PYHIN1: variants seen among roughly 807,000 people sequenced by gnomAD.
The protein encoded by PYHIN1 is pyrin and HIN domain-containing protein 1.
In PYHIN1, 32 loss-of-function variants were observed where a neutral mutation model predicts 43.7. The observed-to-expected ratio is 0.73, with a 90% CI of 0.55 to 0.98. PYHIN1 has a LOEUF of 0.98. Ranked by LOEUF, PYHIN1 falls within the 50% of genes least tolerant of loss-of-function variation. The pLI is 0.00. For missense variants in PYHIN1, 588 were observed against 589.5 expected (o/e 1.00, Z 0.03); for synonymous variants, 205 against 203.1 (o/e 1.01, Z -0.08).
At chr1:158,967,630 A>G (rs1442025091) in intron 7 of PYHIN1, among the ~76,000 whole-genome samples, 1 of 152,136 alleles carries the variant, frequency 6.6e-6, no homozygotes, top group Non-Finnish European at 1.5e-5. Flanking sequence ...GAACTTGAAT[A>G]GTCAAAGCAA....
At chr1:158,939,642 C>T in intron 4 of PYHIN1, 1 of 1,011,828 alleles carries the variant, frequency 9.9e-7, no homozygotes, top group Non-Finnish European at 1.5e-6. Flanking sequence ...CACCTTTAAA[C>T]TCTTACCTGG....
intron 7 of PYHIN1, among the ~76,000 whole-genome samples, chr1:158,962,221 G>C (rs1239944370): frequency 1.3e-5 from 2 of 152,256 alleles, no homozygotes; most frequent in East Asian, 3.9e-4. Flanking sequence ...CTCCTCACTG[G>C]GCAGGACCTC....
intron 8 of PYHIN1, among the ~76,000 whole-genome samples, chr1:158,975,489 TC>T (rs1321760531): frequency 5.3e-5 from 8 of 152,120 alleles, no homozygotes; most frequent in Admixed American, 2.0e-4. Context: ...AAATCATAAT[TC>T]ATTTCTGGAT....
chr1:158,979,380 A>G (rs564978223), downstream of PYHIN1, among the ~76,000 whole-genome samples: 10 of 152,164 alleles, frequency 6.6e-5, no homozygotes, highest in Non-Finnish European at 1.0e-4. Flanking sequence ...GATACTCTAC[A>G]TAAGTGGACT....
At chr1:158,943,169 T>C (rs913997656) in intron 5 of PYHIN1, among the ~76,000 whole-genome samples, 3 of 152,196 alleles carry the variant, frequency 2.0e-5, no homozygotes, top group Admixed American at 2.0e-4. Flanking sequence ...TTTTCTAGAA[T>C]GACCTCTTAT....
the PYHIN1 span, among the ~76,000 whole-genome samples, chr1:158,984,337 T>C: frequency 9.6e-3 from 1,469 of 152,266 alleles, 25 homozygotes; most frequent in African/African-American, 0.033. Flanking sequence ...GAGACTCTGA[T>C]ATATTGTATT....
At chr1:158,936,673 ATTAGG>A (rs1326003785) in intron 1 of PYHIN1, among the ~76,000 whole-genome samples, 1 of 152,296 alleles carries the variant, frequency 6.6e-6, no homozygotes, top group African/African-American at 2.4e-5. Context: ...CTCTCAATAA[ATTAGG>A]TATTGATGGG....
At chr1:158,954,833 C>T (rs1197101866) in intron 7 of PYHIN1, among the ~76,000 whole-genome samples, 1 of 150,964 alleles carries the variant, frequency 6.6e-6, no homozygotes, top group Admixed American at 6.6e-5. Flanking sequence ...CAAGACCCAT[C>T]AGTGTGCTGT....
chr1:158,937,074 A>T lies in PYHIN1; in HGVS notation c.164A>T (p.Lys55Met). 6.2e-7 allele frequency: 1 copy of T among 1,614,186 alleles called. No homozygotes were observed. The highest frequency in any genetic ancestry group is 8.5e-7 in the Non-Finnish European group (1 of 1,180,022). The change falls in exon 2 of 9, where the codon AAG (lysine) becomes ATG (methionine). Residue 55 changes from lysine (K) to methionine (M), a missense_variant. Physicochemically the swap from Lys to Met is moderately conservative, Grantham distance 95 (BLOSUM62 -1). Transcript: ENST00000368140. Reference sequence around the variant, plus strand: ...CAGATTGCTGACTTGATGGAGGAAAAGTTCCCAGGTGATGCCGGTTTGGGC... The same window carrying T: ...CAGATTGCTGACTTGATGGAGGAAATGTTCCCAGGTGATGCCGGTTTGGGC... ...KIQIADLMEE[K>M]FPGDAGLGKL...
intron 7 of PYHIN1, among the ~76,000 whole-genome samples, chr1:158,953,527 T>G (rs893268442): frequency 6.0e-5 from 9 of 150,606 alleles, no homozygotes; most frequent in Admixed American, 2.0e-4. Flanking sequence ...CCAACAGACC[T>G]GCAGCTGAGG....
chr1:158,943,729 T>C, intron 5 of PYHIN1, 61 bp from the exon 6 acceptor site: 1 of 1,296,114 alleles, frequency 7.7e-7, no homozygotes, highest in East Asian at 2.4e-5. Flanking sequence ...CACAAGAGAC[T>C]TTCCTATATG....
chr1:158,944,955 T>C lies in PYHIN1; in HGVS notation c.1272T>C (p.Pro424=). ...AGGAACAGAGTCAGCATCCAAAACCTTCAGAGGCCAGCACAACCCTACCTG... is the reference window on the plus strand; with the variant it reads ...AGGAACAGAGTCAGCATCCAAAACCCTCAGAGGCCAGCACAACCCTACCTG... The part of the protein sequence containing the change: ...LPQEQSQHPK[P]SEASTTLPES... Residue 424 remains proline, a synonymous_variant, in exon 7 of 9, where the codon CCT becomes CCC. Coordinates refer to ENST00000368140, the MANE Select transcript of PYHIN1 (RefSeq NM_152501.5). 6.2e-7 allele frequency: 1 copy of C among 1,613,744 alleles called. No homozygotes were observed. The highest frequency in any genetic ancestry group is 1.1e-5 in the South Asian group (1 of 91,040).
At chr1:158,944,723 C>T (rs1649124805) in intron 6 of PYHIN1, 152 bp from the exon 7 acceptor site, 1 of 467,864 alleles carries the variant, frequency 2.1e-6, no homozygotes, top group Non-Finnish European at 3.6e-6. Context: ...AATATATTGG[C>T]AGTTGCCTGG....
chr1:158,989,373 T>C, the PYHIN1 span, among the ~76,000 whole-genome samples: 1 of 152,192 alleles, frequency 6.6e-6, no homozygotes, highest in Non-Finnish European at 1.5e-5. Context: ...CTGGTTGAAC[T>C]GTAACCTCCC....
chr1:158,945,029 G>T lies in PYHIN1; in HGVS notation c.1346G>T (p.Ser449Ile). The part of the protein sequence containing the change: ...PQMPPTTPSS[S>I]SFTKKDETHP... ...ATGCCACCAACAACCCCATCCAGCA[G>T]TTCCTTCACCAAGGTACAATATCCT... is the stretch of plus-strand genomic sequence containing the variant. The change falls in exon 7 of 9, where the codon AGT becomes ATT. Residue 449 changes from serine to isoleucine, a missense_variant. Physicochemically the swap from Ser to Ile is moderately radical, Grantham distance 142. Coordinates refer to ENST00000368140, the MANE Select transcript of PYHIN1 (RefSeq NM_152501.5). 1 of 1,612,960 alleles carries T rather than the reference G, an allele frequency of 6.2e-7. No individual in the cohort carries two copies. Among genetic ancestry groups the T allele is most frequent in the Non-Finnish European group, 8.5e-7 (1 of 1,179,440 alleles).
chr1:158,984,028 G>GGT, the PYHIN1 span, among the ~76,000 whole-genome samples: 4 of 111,210 alleles, frequency 3.6e-5, no homozygotes, highest in African/African-American at 1.4e-4. Context: ...ATCTTCTCCT[G>GGT]TTTTTTTTTT....
At chr1:158,952,198 G>A (rs371636440) in intron 7 of PYHIN1, among the ~76,000 whole-genome samples, 2 of 148,854 alleles carry the variant, frequency 1.3e-5, no homozygotes, top group Non-Finnish European at 3.0e-5. Context: ...CTCCCCAGCA[G>A]TCTAGCTCCT....
intron 7 of PYHIN1, among the ~76,000 whole-genome samples, chr1:158,967,886 G>A (rs1460783384): frequency 6.6e-6 from 1 of 151,992 alleles, no homozygotes; most frequent in African/African-American, 2.4e-5. Flanking sequence ...TAACTGGCTA[G>A]CCATATGCAG....
intron 7 of PYHIN1, among the ~76,000 whole-genome samples, chr1:158,968,045 G>A (rs989574464): frequency 9.2e-5 from 14 of 151,802 alleles, no homozygotes; most frequent in African/African-American, 3.1e-4. Context: ...AAAAGACTTC[G>A]TTTTGAAGAT....
Sources: gnomAD v4.1 joint callset for allele counts (sites outside exome capture counted in the v4.1 genomes callset) on GRCh38, gnomAD v4.1.1 for gene constraint, MANE v1.5 for transcripts, NCBI Gene and HGNC (gene_info 2026-07-23, HGNC 2026-07-21) for gene names.